The following RAD51B variants were observed in gnomAD, a reference collection of about 807,000 sequenced individuals.
RAD51B encodes the protein DNA repair protein RAD51 homolog 2.
In RAD51B, 38 loss-of-function variants were observed where a neutral mutation model predicts 42.2. The ratio of observed to expected loss-of-function variants is 0.90; its 90% CI spans 0.70 to 1.18. The LOEUF is 1.18. Among genes scored for constraint, RAD51B ranks in the 50% most tolerant of loss-of-function variants. The pLI is 0.00. For missense variants in RAD51B, 373 were observed against 400.7 expected (o/e 0.93, Z 0.59); for synonymous variants, 154 against 145.2 (o/e 1.06, Z -0.43).
chr14:68,172,595 T>C (rs749180889), intron 7 of RAD51B, among the ~76,000 whole-genome samples: 2 of 152,146 alleles, frequency 1.3e-5, no homozygotes, highest in Non-Finnish European at 2.9e-5. Flanking sequence ...AGGAGAATAA[T>C]TGAATTTCTA....
intron 10 of RAD51B, among the ~76,000 whole-genome samples, chr14:68,523,391 G>T (rs1308158142): frequency 6.6e-6 from 1 of 152,210 alleles, no homozygotes; most frequent in African/African-American, 2.4e-5. Flanking sequence ...ACTTGGCCAA[G>T]ATCTGTTCGT....
chr14:68,213,933 A>G (rs1239796618), intron 7 of RAD51B, among the ~76,000 whole-genome samples: 2 of 152,214 alleles, frequency 1.3e-5, no homozygotes, highest in Non-Finnish European at 2.9e-5. Context: ...TAAAAAAATC[A>G]CTTCTCATTC....
At chr14:68,187,203 A>G (rs1347218661) in intron 7 of RAD51B, among the ~76,000 whole-genome samples, 2 of 152,192 alleles carry the variant, frequency 1.3e-5, no homozygotes, top group African/African-American at 4.8e-5. Flanking sequence ...GGGAACTACT[A>G]GAGAAGGGAG....
chr14:68,279,480 A>G (rs1339654781), intron 7 of RAD51B, among the ~76,000 whole-genome samples: 1 of 152,170 alleles, frequency 6.6e-6, no homozygotes, highest in East Asian at 1.9e-4. Context: ...AGGAACAGCC[A>G]TAAACCCTCC....
At chr14:68,630,754 C>G (rs1892209904) in intron 10 of RAD51B, among the ~76,000 whole-genome samples, 1 of 152,124 alleles carries the variant, frequency 6.6e-6, no homozygotes, top group Non-Finnish European at 1.5e-5. Context: ...ACCCATACCA[C>G]CACCACCATT....
intron 3 of RAD51B, among the ~76,000 whole-genome samples, chr14:67,830,784 CTT>C (rs2041009392): frequency 6.6e-6 from 1 of 151,856 alleles, no homozygotes; most frequent in African/African-American, 2.4e-5. Context: ...GATTCTCTGA[CTT>C]TTGCTTTGAG....
At chr14:67,867,102 C>T (rs11626332) in intron 5 of RAD51B, among the ~76,000 whole-genome samples, 49,601 of 151,992 alleles carry the variant, frequency 0.33, 8,655 homozygotes, top group Middle Eastern at 0.47. Context: ...GAATGCTCTC[C>T]GATATATATG....
chr14:68,263,748 T>C (rs2139557210), intron 7 of RAD51B, among the ~76,000 whole-genome samples: 1 of 152,300 alleles, frequency 6.6e-6, no homozygotes, highest in Admixed American at 6.5e-5. Flanking sequence ...CCTATGTTCT[T>C]TCATAATGGC....
chr14:68,001,549 A>G (rs942841880), intron 7 of RAD51B, among the ~76,000 whole-genome samples: 1 of 152,150 alleles, frequency 6.6e-6, no homozygotes, highest in East Asian at 1.9e-4. Flanking sequence ...TTGATTTTCA[A>G]CTTTTAAGCT....
In RAD51B at chr14:68,211,133, G is replaced by C. The variant is rs143890834; in HGVS notation, c.757-80751G>C. On this transcript the variant is annotated intron_variant, in intron 7 of 10. Transcript: ENST00000471583. ...CTAATGTGCTGTGGTCAGAACAAGA[G>C]CATTGCCACATGGTGCATTTCCTAG... Among the ~76,000 whole-genome samples the C allele has an allele frequency of 3.4e-3, 519 of 152,308 alleles. 4 individuals carry two copies. Among genetic ancestry groups the C allele is most frequent in the Non-Finnish European group, 6.2e-3 (421 of 68,018 alleles).
At chr14:67,905,050 T>C (rs540023294) in intron 7 of RAD51B, among the ~76,000 whole-genome samples, 2 of 152,042 alleles carry the variant, frequency 1.3e-5, no homozygotes, top group Non-Finnish European at 2.9e-5. Flanking sequence ...TTAAGTTTTA[T>C]ATTTAAGTCT....
intron 10 of RAD51B, among the ~76,000 whole-genome samples, chr14:68,618,806 A>G (rs1891879461): frequency 6.6e-6 from 1 of 152,148 alleles, no homozygotes; most frequent in Admixed American, 6.5e-5. Flanking sequence ...GTACCATAAC[A>G]GCAGACCTGA....
At chr14:68,226,369 A>G (rs2080038886) in intron 7 of RAD51B, among the ~76,000 whole-genome samples, 1 of 152,224 alleles carries the variant, frequency 6.6e-6, no homozygotes, top group African/African-American at 2.4e-5. Context: ...ATTATCTTCT[A>G]GAGCATCTCA....
intron 7 of RAD51B, among the ~76,000 whole-genome samples, chr14:68,096,100 A>G (rs895582960): frequency 1.3e-5 from 2 of 151,848 alleles, no homozygotes; most frequent in Non-Finnish European, 2.9e-5. Flanking sequence ...CATCTTTTTC[A>G]TACTTGACTA....
intron 9 of RAD51B, among the ~76,000 whole-genome samples, chr14:68,446,696 TA>T (rs1191057466): frequency 1.3e-5 from 2 of 152,026 alleles, no homozygotes; most frequent in African/African-American, 4.8e-5. Flanking sequence ...AGAATGACAA[TA>T]AATCAACGTA....
At chr14:68,482,105 T>TTAATTACTTTTACTGAAAG (rs58347380), downstream of RAD51B, among the ~76,000 whole-genome samples, 1 of 151,434 alleles carries the variant, frequency 6.6e-6, no homozygotes, top group Non-Finnish European at 1.5e-5. Context: ...TTTTGTATCA[T>TTAATTACTTTTACTGAAAG]TAATTACTTT....
At chr14:68,141,714 C>G (rs1437432874) in intron 7 of RAD51B, among the ~76,000 whole-genome samples, 1 of 152,132 alleles carries the variant, frequency 6.6e-6, no homozygotes, top group East Asian at 1.9e-4. Context: ...ATGATGATGT[C>G]ATTTTTCCTT....
chr14:67,968,414 C>T (rs1026540665), intron 7 of RAD51B, among the ~76,000 whole-genome samples: 4 of 152,184 alleles, frequency 2.6e-5, no homozygotes, highest in African/African-American at 9.6e-5. Context: ...TGCAAGTTTT[C>T]TAAGTTTTAT....
At chr14:68,581,278 T>G (rs1365384608) in intron 10 of RAD51B, among the ~76,000 whole-genome samples, 1 of 152,188 alleles carries the variant, frequency 6.6e-6, no homozygotes, top group Non-Finnish European at 1.5e-5. Context: ...TGTCTCCCGG[T>G]CAGCCAGCTG....
Sources: gnomAD v4.1 joint callset for allele counts (sites outside exome capture counted in the v4.1 genomes callset) on GRCh38, gnomAD v4.1.1 for gene constraint, MANE v1.5 for transcripts, NCBI Gene and HGNC (gene_info 2026-07-23, HGNC 2026-07-21) for gene names.